Variants in ATP8B2 observed in about 807,000 individuals in gnomAD.
ATP8B2 encodes the protein ATPase phospholipid transporting 8B2, also known as phospholipid-transporting ATPase ID.
In ATP8B2, 70 loss-of-function variants were observed where a neutral mutation model predicts 133.4. The observed-to-expected ratio is 0.52, with a 90% CI of 0.43 to 0.64. The LOEUF (loss-of-function observed/expected upper bound fraction) is 0.64. ATP8B2 is among the 30% of genes least tolerant of loss of function. The pLI is 0.00. For synonymous variants in ATP8B2, 517 were observed against 589.5 expected, an observed-to-expected ratio of 0.88 and a Z score of 1.78; for missense variants, 1,101 against 1,535.7, an observed-to-expected ratio of 0.72 and a Z score of 4.73.
In ATP8B2 at chr1:154,345,318, G is replaced by A. The variant is rs755772442; in HGVS notation, c.2471-4G>A. The A allele has an allele frequency of 6.2e-7, 1 of 1,613,876 alleles. No individual in the cohort carries two copies. Among genetic ancestry groups the A allele is most frequent in the East Asian group, 2.2e-5 (1 of 44,880 alleles). ...CACCCTCTTGTCATCTCTTGTCTCT[G>A]CAGCGGCTCACATTGGTGTGGGGAT... On this transcript the variant is annotated splice_polypyrimidine_tract_variant and splice_region_variant and intron_variant, in intron 22 of 27. Transcript: ENST00000368489. The surrounding 1 kb of genome is among the most constrained non-coding windows in gnomAD (Gnocchi z 5.6).
chr1:154,342,207 G>T (rs192551043), intron 13 of ATP8B2, among the ~76,000 whole-genome samples: 116 of 152,116 alleles, frequency 7.6e-4, no homozygotes, highest in Non-Finnish European at 6.6e-4. Flanking sequence ...CTGCCCTGAG[G>T]GGGGTGCCGC....
At position 154,328,786 on chromosome 1, in the gene ATP8B2, G is replaced by A. The variant is rs1183422315; in HGVS notation, c.31+614G>A. ...GCCGGGGGGCATGGGGGGCGGCGGC[G>A]GCGGCGCAGCTGAGCTCGCGGTGTC... On this transcript the variant is annotated intron_variant, in intron 2 of 27. Coordinates refer to ENST00000368489, the MANE Select transcript of ATP8B2 (RefSeq NM_001370597.1). The surrounding 1 kb of genome is among the most constrained non-coding windows in gnomAD (Gnocchi z 4.6). 4.0e-6 allele frequency: 4 copies of A among 1,003,436 alleles called. No homozygotes were observed. The highest frequency in any genetic ancestry group is 4.7e-6 in the Non-Finnish European group (4 of 843,310). 62.2% of individuals were successfully genotyped at this position (1,003,436 alleles called of 1,614,324 possible).
At chr1:154,329,241 C>T (rs992033496) in intron 2 of ATP8B2, among the ~76,000 whole-genome samples, 4 of 152,180 alleles carry the variant, frequency 2.6e-5, no homozygotes, top group Non-Finnish European at 2.9e-5. Flanking sequence ...TTTGCATGGT[C>T]TTTGGTGATT....
chr1:154,343,561 AC>A lies in ATP8B2; in HGVS notation c.1753del (p.Asn586MetfsTer8). ...TQELLNTTMD[H>X]LNEYAGEGLR... ...GAGCTGCTCAACACCACCATGGACCACCTTAATGTGGGTGTGAGGAGAGGAG... is the reference window on the plus strand; with the variant it reads ...GAGCTGCTCAACACCACCATGGACCACTTAATGTGGGTGTGAGGAGAGGAG... On this transcript the variant is annotated frameshift_variant, in exon 17 of 28. Coordinates refer to ENST00000368489, the MANE Select transcript of ATP8B2 (RefSeq NM_001370597.1). LOFTEE classifies it high-confidence loss of function. This position sits in a 1 kb window ranked among gnomAD's most constrained non-coding sequence, Gnocchi z 5.8. 1 of 1,613,342 alleles carries A rather than the reference AC, an allele frequency of 6.2e-7. No individual in the cohort carries two copies. Among genetic ancestry groups the A allele is most frequent in the Non-Finnish European group, 8.5e-7 (1 of 1,179,642 alleles).
rs2149173659 is a variant in ATP8B2, at chr1:154,344,108, A to G, written c.1924-35A>G. 1 of 1,614,202 alleles carries G rather than the reference A, an allele frequency of 6.2e-7. No homozygotes were observed. Among genetic ancestry groups the G allele is most frequent in the Non-Finnish European group, 8.5e-7 (1 of 1,180,022 alleles). ...ATGGGCACGGAGGGCTCATGCCTGC[A>G]ATTCTTGTGCCAGGAATCCTTGTGG... On this transcript the variant is annotated intron_variant, in intron 18 of 27. Transcript: ENST00000368489. The surrounding 1 kb of genome is among the most constrained non-coding windows in gnomAD (Gnocchi z 4.1).
chr1:154,346,015 G>T lies in ATP8B2; in HGVS notation c.2778+132G>T. 3.7e-6 allele frequency: 4 copies of T among 1,093,794 alleles called. No homozygotes were observed. The highest frequency in any genetic ancestry group is 4.0e-6 in the Non-Finnish European group (3 of 741,344). 67.8% of individuals were successfully genotyped at this position (1,093,794 alleles called of 1,614,324 possible). On this transcript the variant is annotated intron_variant, in intron 24 of 27. Coordinates refer to ENST00000368489, the MANE Select transcript of ATP8B2 (RefSeq NM_001370597.1). This position sits in a 1 kb window ranked among gnomAD's most constrained non-coding sequence, Gnocchi z 4.5. ...GAAGGCAGTTCTTTCAGCCGGGGAA[G>T]GTGTGGCTGGTTCTCCCTCCTGGCT...
Position 154,344,448 on chromosome 1 carries a change from G to A in ATP8B2, c.2089G>A (p.Glu697Lys), listed in dbSNP as rs551370297. ...SCKMLTDDMT[E>K]VFIVTGHTVL... ...CAAGATGCTGACGGATGACATGACT[G>A]AGGTTTTCATAGTCACTGGCCATAC... The change falls in exon 20 of 28, where the codon GAG becomes AAG. Residue 697 changes from glutamate to lysine, a missense_variant. Transcript: ENST00000368489. The surrounding 1 kb of genome is among the most constrained non-coding windows in gnomAD (Gnocchi z 4.1). The A allele has an allele frequency of 6.2e-6, 10 of 1,614,174 alleles. No homozygotes were observed. The East Asian group carries it at 2.0e-4, about 32-fold the overall frequency.
chr1:154,328,840 C>A lies in ATP8B2; in HGVS notation c.31+668C>A. The stretch of plus-strand genomic sequence containing the variant: ...GAGCGCCGGCGGCCGGGAGGATGGC[C>A]TGGGCTGCGGGTGGGGCGCGCGCCC... On this transcript the variant is annotated intron_variant, in intron 2 of 27. Coordinates refer to ENST00000368489, the MANE Select transcript of ATP8B2 (RefSeq NM_001370597.1). The surrounding 1 kb of genome is among the most constrained non-coding windows in gnomAD (Gnocchi z 4.6). 2.7e-6 allele frequency: 3 copies of A among 1,103,892 alleles called. No homozygotes were observed. Among genetic ancestry groups the A allele is most frequent in the Non-Finnish European group, 3.3e-6 (3 of 897,214 alleles). The allele number at this position is 1,103,892 out of a possible 1,614,324, so 68.4% of individuals were successfully genotyped here. A position where few individuals can be genotyped will look rare whatever the true frequency, so the allele number is the denominator to read the frequency against.
intron 3 of ATP8B2, 128 bp downstream of exon 3, chr1:154,330,582 C>A: frequency 2.1e-6 from 2 of 964,290 alleles, no homozygotes; most frequent in East Asian, 2.5e-5. Context: ...ACCTCCTCAG[C>A]CACTCTCCAT....
At position 154,334,660 on chromosome 1, in the gene ATP8B2, T is replaced by C; in HGVS notation, c.837+69T>C. ...TCCTTGGGTGCTCCTTTTCCTTTCC[T>C]CTTTCTTCTTTGGTCAGTAGACTTC... On this transcript the variant is annotated intron_variant, in intron 11 of 27. Transcript: ENST00000368489. This position sits in a 1 kb window ranked among gnomAD's most constrained non-coding sequence, Gnocchi z 4.6. 1 of 1,368,300 alleles carries C rather than the reference T, an allele frequency of 7.3e-7. No homozygotes were observed. The highest frequency in any genetic ancestry group is 2.3e-5 in the East Asian group (1 of 42,684). The allele number at this position is 1,368,300 out of a possible 1,614,324, so 84.8% of individuals were successfully genotyped here.
chr1:154,345,182 G>C lies in ATP8B2; in HGVS notation c.2470+28G>C. On this transcript the variant is annotated intron_variant, in intron 22 of 27. Transcript: ENST00000368489. This position sits in a 1 kb window ranked among gnomAD's most constrained non-coding sequence, Gnocchi z 5.6. Reference sequence around the variant, plus strand: ...GAGTGTGGGCTGTGCAGGTGTGTAGGCTGGGCTTGAGGCTGGGGAGGGGCC... The same window carrying C: ...GAGTGTGGGCTGTGCAGGTGTGTAGCCTGGGCTTGAGGCTGGGGAGGGGCC... 1 of 1,607,130 alleles carries C rather than the reference G, an allele frequency of 6.2e-7. No individual in the cohort carries two copies. Among genetic ancestry groups the C allele is most frequent in the Non-Finnish European group, 8.5e-7 (1 of 1,175,262 alleles).
Position 154,345,840 on chromosome 1 carries a change from T to G in ATP8B2, c.2735T>G (p.Val912Gly). The change falls in exon 24 of 28, where the codon GTG becomes GGG. Residue 912 changes from valine (V) to glycine (G), a missense_variant. Physicochemically the swap from Val to Gly is moderately radical, Grantham distance 109. Coordinates refer to ENST00000368489, the MANE Select transcript of ATP8B2 (RefSeq NM_001370597.1). This position sits in a 1 kb window ranked among gnomAD's most constrained non-coding sequence, Gnocchi z 5.6. ...DQYFITLYNIVYTSLPVLAMG... is the reference protein window; with the variant it reads ...DQYFITLYNIGYTSLPVLAMG... ...TATTTCATCACCCTGTATAACATCG[T>G]GTACACCTCCCTGCCAGTCCTGGCT... The G allele has an allele frequency of 6.2e-7, 1 of 1,613,890 alleles. No individual in the cohort carries two copies.
chr1:154,347,145 C>G (rs574685396), intron 26 of ATP8B2, among the ~76,000 whole-genome samples: 12 of 152,216 alleles, frequency 7.9e-5, no homozygotes, highest in Non-Finnish European at 1.8e-4. Context: ...TCACCTCGGC[C>G]TCCCAAAGTG....
At chr1:154,325,979 C>T (rs1166859152) in intron 1 of ATP8B2, among the ~76,000 whole-genome samples, 1 of 152,062 alleles carries the variant, frequency 6.6e-6, no homozygotes, top group African/African-American at 2.4e-5. Context: ...AGCAGGAGAG[C>T]GGCGCGAGTG....
In ATP8B2 at chr1:154,333,882, G is replaced by A. The variant is rs529030733; in HGVS notation, c.590-225G>A. The stretch of plus-strand genomic sequence containing the variant: ...ACTCCTGACCTCAGCTGATCCACCC[G>A]CCTTAGCCTCCCAAAGTGCTGGGAT... On this transcript the variant is annotated intron_variant, in intron 9 of 27. Coordinates refer to ENST00000368489, the MANE Select transcript of ATP8B2 (RefSeq NM_001370597.1). Among the ~76,000 whole-genome samples, 378 of 152,134 alleles carry A rather than the reference G, an allele frequency of 2.5e-3. 1 individual carries two copies. Among genetic ancestry groups the A allele is most frequent in the Non-Finnish European group, 4.5e-3 (305 of 68,004 alleles).
rs1286655832 is a variant in ATP8B2, at chr1:154,331,491, G to A, written c.351G>A (p.Val117=). 1 of 1,614,186 alleles carries A rather than the reference G, an allele frequency of 6.2e-7. No individual in the cohort carries two copies. The highest frequency in any genetic ancestry group is 8.5e-7 in the Non-Finnish European group (1 of 1,180,028). Residue 117 remains valine (V), a synonymous_variant, in exon 6 of 28, where the codon GTG becomes GTA. Transcript: ENST00000368489. This position sits in a 1 kb window ranked among gnomAD's most constrained non-coding sequence, Gnocchi z 4.8. ...DNQVNNRQSQ[V]LINGILQQEQ... Reference sequence around the variant, plus strand: ...AGGTGAATAACCGCCAGTCTCAGGTGCTGATCAATGGAATGTGAGTGCCTG... The same window carrying A: ...AGGTGAATAACCGCCAGTCTCAGGTACTGATCAATGGAATGTGAGTGCCTG...
rs564231443 is a variant in ATP8B2 at position 154,326,620 on chromosome 1, G to A, written c.-38+918G>A. 9.2e-5 allele frequency among the ~76,000 whole-genome samples: 14 copies of A among 152,304 alleles called. No individual in the cohort carries two copies. The East Asian group carries it at 2.7e-3, about 29-fold the overall frequency. On this transcript the variant is annotated intron_variant, in intron 1 of 27. Transcript: ENST00000368489. ...CCCCCCAGAGGGGATGAGGTCTGGG[G>A]CCAAGCCTGCTTCCAGTCTCCCCAG... is the stretch of plus-strand genomic sequence containing the variant.
chr1:154,336,449 T>C (rs1570857372), intron 11 of ATP8B2, among the ~76,000 whole-genome samples: 2 of 129,812 alleles, frequency 1.5e-5, no homozygotes, highest in Admixed American at 1.7e-4. Context: ...CTGATAAGCT[T>C]AGAAAAAAAA....
chr1:154,343,800 C>A lies in ATP8B2; in HGVS notation c.1759-93C>A. The stretch of plus-strand genomic sequence containing the variant: ...CCTAACTGTGGAATGTGGCACACAC[C>A]CAGTCTACAGTGCAGGATTATTCAT... On this transcript the variant is annotated intron_variant, in intron 17 of 27. Coordinates refer to ENST00000368489, the MANE Select transcript of ATP8B2 (RefSeq NM_001370597.1). This position sits in a 1 kb window ranked among gnomAD's most constrained non-coding sequence, Gnocchi z 5.8. The A allele has an allele frequency of 1.4e-6, 2 of 1,416,500 alleles. No individual in the cohort carries two copies. Among genetic ancestry groups the A allele is most frequent in the South Asian group, 1.3e-5 (1 of 74,552 alleles). 87.7% of individuals were successfully genotyped at this position (1,416,500 alleles called of 1,614,324 possible).
Sources: allele counts gnomAD v4.1 joint callset (sites outside exome capture counted in the v4.1 genomes callset), GRCh38; gene constraint gnomAD v4.1.1; non-coding constraint Gnocchi (gnomAD v3.1); transcripts MANE v1.5; gene names NCBI Gene and HGNC (gene_info 2026-07-23, HGNC 2026-07-21).